The following DENND11 variants were observed in gnomAD, a reference collection of about 807,000 sequenced individuals.
DENND11 encodes DENN domain-containing protein 11.
In DENND11, 34 loss-of-function variants were observed where a neutral mutation model predicts 49.2. The observed-to-expected ratio is 0.69, with a 90% confidence interval of 0.53 to 0.92. The LOEUF is 0.92. DENND11 is among the 40% of genes least tolerant of loss of function. The pLI, the probability that DENND11 is intolerant of heterozygous loss-of-function variation, is 0.00. For synonymous variants in DENND11, 238 were observed against 230.3 expected, an observed-to-expected ratio of 1.03 and a Z score of -0.30; for missense variants, 475 against 581.6, an observed-to-expected ratio of 0.82 and a Z score of 1.88.
intron 1 of DENND11, among the ~76,000 whole-genome samples, chr7:141,693,269 ATGC>A (rs1258331241): frequency 1.3e-5 from 2 of 152,236 alleles, no homozygotes; most frequent in African/African-American, 4.8e-5. Context: ...ATTTTTTCAT[ATGC>A]TCATTACGCA....
chr7:141,702,155 G>A lies in DENND11; in HGVS notation c.-2C>T. ...CGCCGCGTCTCCCTGCTCCACCATG[G>A]CTAGGCGAGGCGGAGCCGCGGGCGC... On this transcript the variant is annotated 5_prime_UTR_variant, in exon 1 of 9. Coordinates refer to ENST00000536163, the MANE Select transcript of DENND11 (RefSeq NM_001080392.2). 3 of 981,778 alleles carry A rather than the reference G, an allele frequency of 3.1e-6. No homozygotes were observed. The highest frequency in any genetic ancestry group is 2.4e-6 in the Non-Finnish European group (2 of 828,876). The allele number at this position is 981,778 out of a possible 1,614,324, so 60.8% of individuals were successfully genotyped here. A position where few individuals can be genotyped will look rare whatever the true frequency, so the allele number is the denominator to read the frequency against.
intron 4 of DENND11, among the ~76,000 whole-genome samples, chr7:141,669,272 G>C (rs1587206000): frequency 6.8e-6 from 1 of 146,646 alleles, no homozygotes; most frequent in African/African-American, 2.5e-5. Flanking sequence ...TTGAGAGGGA[G>C]TCTTGCCCTG....
intron 2 of DENND11, 74 bp from the exon 3 acceptor site, chr7:141,685,710 A>T: frequency 6.6e-7 from 1 of 1,512,236 alleles, no homozygotes; most frequent in East Asian, 2.3e-5. Context: ...AACAAAACAA[A>T]TGAACTGTGT....
intron 3 of DENND11, among the ~76,000 whole-genome samples, chr7:141,680,909 G>T (rs1438361287): frequency 6.6e-6 from 1 of 152,072 alleles, no homozygotes; most frequent in African/African-American, 2.4e-5. Context: ...CTATCTTACT[G>T]TGTCACTGTA....
chr7:141,686,985 C>G (rs778875801), intron 1 of DENND11, among the ~76,000 whole-genome samples: 2 of 152,064 alleles, frequency 1.3e-5, no homozygotes, highest in African/African-American at 4.8e-5. Flanking sequence ...GTTTTTTTAA[C>G]CTTCCACCCT....
chr7:141,685,715 C>T (rs1299633752), intron 2 of DENND11, 79 bp from the exon 3 acceptor site: 7 of 1,477,618 alleles, frequency 4.7e-6, no homozygotes, highest in Non-Finnish European at 6.5e-6. Context: ...AACAAATGAA[C>T]TGTGTTCGGG....
At chr7:141,663,025 T>A in intron 8 of DENND11, 174 bp from the exon 9 acceptor site, 1 of 500,474 alleles carries the variant, frequency 2.0e-6, no homozygotes, top group Non-Finnish European at 3.4e-6. Context: ...CAAGTGCTAC[T>A]AAGGTTAGCA....
rs770859274 is a variant in DENND11, at chr7:141,665,039, ATCTTCTCTG to A, written c.959_967del (p.Thr320_Lys322del). ...ATACAGCTCCCGCTTCTCCTCGAAT[ATCTTCTCTG>A]TGGTGCCTGTGGAACCCGGGGTTAG... On this transcript the variant is annotated inframe_deletion, in exon 7 of 9. Transcript: ENST00000536163. The A allele has an allele frequency of 6.2e-6, 10 of 1,613,806 alleles. No individual in the cohort carries two copies. Among genetic ancestry groups the A allele is most frequent in the Non-Finnish European group, 8.5e-6 (10 of 1,179,830 alleles).
intron 4 of DENND11, among the ~76,000 whole-genome samples, chr7:141,668,538 A>G (rs191762018): frequency 6.6e-6 from 1 of 152,318 alleles, no homozygotes; most frequent in East Asian, 1.9e-4. Context: ...GTCAGTTGAG[A>G]TCACACCACT....
rs1431082759 is a variant in DENND11 at position 141,664,219 on chromosome 7, C to T, written c.1125G>A (p.Gln375=). 1.3e-6 allele frequency: 2 copies of T among 1,584,864 alleles called. No homozygotes were observed. Among genetic ancestry groups the T allele is most frequent in the South Asian group, 2.3e-5 (2 of 86,576 alleles). The change falls in exon 8 of 9, where the codon CAG becomes CAA. Residue 375 remains glutamine (Q), a synonymous_variant. Transcript: ENST00000536163. ...NEQRQMLLYS[Q]EVEEDYNPCE... ...AAGGGTTGTAGTCTTCTTCTACTTC[C>T]TGGGAGTACAACAGCATCTGCCTGT...
intron 3 of DENND11, among the ~76,000 whole-genome samples, chr7:141,679,180 ACT>A (rs1303237228): frequency 6.6e-6 from 1 of 152,050 alleles, no homozygotes; most frequent in Non-Finnish European, 1.5e-5. Context: ...TTTTCCTCAT[ACT>A]CTGTCATACA....
chr7:141,689,424 A>C (rs1798291699), intron 1 of DENND11, among the ~76,000 whole-genome samples: 1 of 152,170 alleles, frequency 6.6e-6, no homozygotes, highest in South Asian at 2.1e-4. Flanking sequence ...GACACAGGGA[A>C]GGGAACAACA....
At chr7:141,689,729 T>C (rs1798295560) in intron 1 of DENND11, among the ~76,000 whole-genome samples, 1 of 152,220 alleles carries the variant, frequency 6.6e-6, no homozygotes, top group African/African-American at 2.4e-5. Flanking sequence ...ACCTCCCTCA[T>C]AGCAGCTCCA....
chr7:141,683,516 C>G (rs1034751649), intron 3 of DENND11, among the ~76,000 whole-genome samples: 1 of 151,968 alleles, frequency 6.6e-6, no homozygotes, highest in African/African-American at 2.4e-5. Flanking sequence ...GGTGGCGGGC[C>G]CCTGTAATCC....
chr7:141,693,156 ACT>A (rs1798352616), intron 1 of DENND11, among the ~76,000 whole-genome samples: 1 of 152,232 alleles, frequency 6.6e-6, no homozygotes, highest in African/African-American at 2.4e-5. Context: ...AATTCATAAA[ACT>A]CAACAATAAG....
At chr7:141,663,991 G>A (rs971533616) in intron 8 of DENND11, 181 bp downstream of exon 8, 8 of 495,324 alleles carry the variant, frequency 1.6e-5, no homozygotes, top group African/African-American at 5.7e-5. Flanking sequence ...TAAGTCTTCT[G>A]GGTTCCCCCT....
chr7:141,687,692 T>C (rs1798266101), intron 1 of DENND11, among the ~76,000 whole-genome samples: 1 of 146,504 alleles, frequency 6.8e-6, no homozygotes, highest in Admixed American at 7.1e-5. Flanking sequence ...TGGAGTGCAG[T>C]GGCGCGATCT....
chr7:141,688,302 G>GA (rs781026585), intron 1 of DENND11, among the ~76,000 whole-genome samples: 3 of 152,264 alleles, frequency 2.0e-5, no homozygotes, highest in Admixed American at 6.5e-5. Flanking sequence ...CTAGGCATTA[G>GA]AAAAACCATC....
At chr7:141,677,431 A>ATG (rs1798077891) in intron 3 of DENND11, among the ~76,000 whole-genome samples, 2 of 143,302 alleles carry the variant, frequency 1.4e-5, no homozygotes, top group African/African-American at 5.1e-5. Flanking sequence ...ATACACATAT[A>ATG]TATGTGTGTG....
Sources: allele counts gnomAD v4.1 joint callset (sites outside exome capture counted in the v4.1 genomes callset), GRCh38; gene constraint gnomAD v4.1.1; transcripts MANE v1.5; gene names NCBI Gene and HGNC (gene_info 2026-07-23, HGNC 2026-07-21).